KCND2: variants seen among roughly 807,000 people sequenced by gnomAD.
The protein encoded by KCND2 is A-type voltage-gated potassium channel KCND2.
A neutral mutation model predicts 54.4 loss-of-function variants in KCND2; 16 were observed. The ratio of observed to expected loss-of-function variants is 0.29; its 90% CI spans 0.20 to 0.45. The LOEUF (loss-of-function observed/expected upper bound fraction) is 0.45, where lower values mean the gene tolerates loss of function less well. KCND2 is among the 20% of genes least tolerant of loss of function. KCND2 has a pLI of 1.00. For missense variants in KCND2, 486 were observed against 824.2 expected (o/e 0.59, Z 5.02); for synonymous variants, 317 against 310.7 (o/e 1.02, Z -0.21).
intron 1 of KCND2, among the ~76,000 whole-genome samples, chr7:120,727,508 A>T (rs912152844): frequency 1.3e-5 from 2 of 152,196 alleles, no homozygotes; most frequent in Non-Finnish European, 2.9e-5. Context: ...CTTTGCATGA[A>T]AATTTTTGAT....
intron 1 of KCND2, among the ~76,000 whole-genome samples, chr7:120,386,229 G>T (rs1044703204): frequency 1.3e-5 from 2 of 152,050 alleles, no homozygotes; most frequent in African/African-American, 2.4e-5. Context: ...GAAACATTTT[G>T]CTATAATAAA....
At chr7:120,399,062 A>C (rs184698481) in intron 1 of KCND2, among the ~76,000 whole-genome samples, 1 of 152,012 alleles carries the variant, frequency 6.6e-6, no homozygotes, top group Admixed American at 6.6e-5. Flanking sequence ...CCCACTTTAC[A>C]TTATCTTAAA....
intron 1 of KCND2, among the ~76,000 whole-genome samples, chr7:120,575,353 G>C (rs1225950128): frequency 2.6e-5 from 4 of 152,144 alleles, no homozygotes; most frequent in Admixed American, 1.3e-4. Context: ...TCCAGTGTTC[G>C]AGGGCAGGAA....
intron 1 of KCND2, among the ~76,000 whole-genome samples, chr7:120,691,939 TTG>T (rs1480046400): frequency 2.0e-5 from 3 of 152,176 alleles, no homozygotes; most frequent in African/African-American, 7.2e-5. Flanking sequence ...AAGGAGGACC[TTG>T]TGGTCAGCTG....
Position 120,443,352 on chromosome 7 carries a change from A to AAATAATAAT in KCND2, c.1115+167632_1115+167640dup, listed in dbSNP as rs139962538. Among the ~76,000 whole-genome samples the AAATAATAAT allele has an allele frequency of 3.2e-3, 469 of 146,594 alleles. 1 individual carries two copies. Among genetic ancestry groups the AAATAATAAT allele is most frequent in the African/African-American group, 8.1e-3 (324 of 40,236 alleles). ...ACAATCTCCAAGAAATAACAATAAT[A>AAATAATAAT]AATAATAATAATAATAATAATAATA... is the stretch of plus-strand genomic sequence containing the variant. On this transcript the variant is annotated intron_variant, in intron 1 of 5. Coordinates refer to ENST00000331113, the MANE Select transcript of KCND2 (RefSeq NM_012281.3).
chr7:120,486,032 A>G (rs547071698), intron 1 of KCND2, among the ~76,000 whole-genome samples: 9 of 152,330 alleles, frequency 5.9e-5, no homozygotes, highest in Admixed American at 1.3e-4. Context: ...TGACTTTTAA[A>G]TATATGTTAT....
intron 1 of KCND2, among the ~76,000 whole-genome samples, chr7:120,492,687 T>C (rs1802801305): frequency 6.6e-6 from 1 of 152,050 alleles, no homozygotes; most frequent in African/African-American, 2.4e-5. Context: ...TACATTCCTA[T>C]AAATCCATCA....
chr7:120,274,598 C>A lies in KCND2; in HGVS notation c.-35C>A. 1 of 1,614,042 alleles carries A rather than the reference C, an allele frequency of 6.2e-7. No individual in the cohort carries two copies. The highest frequency in any genetic ancestry group is 1.3e-5 in the African/African-American group (1 of 75,044). On this transcript the variant is annotated 5_prime_UTR_variant, in exon 1 of 6. Transcript: ENST00000331113. ...CTGCTTCGGTGACCCATTGTAGACG[C>A]CTCGTTACCCTTCTTCCTTCCGCTT... is the stretch of plus-strand genomic sequence containing the variant.
At chr7:120,349,688 A>G (rs190013678) in intron 1 of KCND2, among the ~76,000 whole-genome samples, 5 of 152,270 alleles carry the variant, frequency 3.3e-5, no homozygotes, top group Non-Finnish European at 5.9e-5. Context: ...CATTACACAA[A>G]TGTTTTTTGA....
chr7:120,443,358 T>TA (rs760509401), intron 1 of KCND2, among the ~76,000 whole-genome samples: 1 of 96,756 alleles, frequency 1.0e-5, no homozygotes, highest in East Asian at 2.3e-4. Flanking sequence ...TAATAAATAA[T>TA]AATAATAATA....
At chr7:120,586,623 TAAG>T (rs1488013415) in intron 1 of KCND2, among the ~76,000 whole-genome samples, 2 of 152,208 alleles carry the variant, frequency 1.3e-5, no homozygotes, top group African/African-American at 2.4e-5. Flanking sequence ...GACTGTCAAA[TAAG>T]CAAAGACACT....
At chr7:120,691,907 A>T (rs549312077) in intron 1 of KCND2, among the ~76,000 whole-genome samples, 1 of 152,294 alleles carries the variant, frequency 6.6e-6, no homozygotes, top group African/African-American at 2.4e-5. Context: ...TCCTAAAATC[A>T]AATGCAGAAA....
At chr7:120,460,558 CTT>C (rs67237835) in intron 1 of KCND2, among the ~76,000 whole-genome samples, 45 of 130,198 alleles carry the variant, frequency 3.5e-4, no homozygotes, top group Admixed American at 4.7e-4. Context: ...CCACCACGGC[CTT>C]TTTTTTTTTT....
At chr7:120,384,532 A>G (rs1417078221) in intron 1 of KCND2, among the ~76,000 whole-genome samples, 1 of 152,134 alleles carries the variant, frequency 6.6e-6, no homozygotes, top group Non-Finnish European at 1.5e-5. Context: ...TTCTGTAATT[A>G]TGTCACTATA....
chr7:120,307,863 A>G (rs554254682), intron 1 of KCND2, among the ~76,000 whole-genome samples: 5 of 152,260 alleles, frequency 3.3e-5, no homozygotes, highest in Admixed American at 3.3e-4. Context: ...ATTTCTCTAC[A>G]TATTTATTGA....
chr7:120,576,957 G>C (rs143080375), intron 1 of KCND2, among the ~76,000 whole-genome samples: 124 of 152,204 alleles, frequency 8.1e-4, no homozygotes, highest in African/African-American at 3.0e-3. Flanking sequence ...GATCAGCCTG[G>C]GCAACACAGT....
intron 1 of KCND2, among the ~76,000 whole-genome samples, chr7:120,298,348 T>C (rs1799540030): frequency 6.6e-6 from 1 of 152,230 alleles, no homozygotes; most frequent in South Asian, 2.1e-4. Context: ...TATGATGGTA[T>C]TGAAAACTAT....
chr7:120,330,992 A>C (rs1419175851), intron 1 of KCND2, among the ~76,000 whole-genome samples: 1 of 152,162 alleles, frequency 6.6e-6, no homozygotes, highest in African/African-American at 2.4e-5. Context: ...ATAAAAGAAA[A>C]TGAAGTTGAA....
chr7:120,619,910 G>T (rs1229202013), intron 1 of KCND2, among the ~76,000 whole-genome samples: 2 of 152,110 alleles, frequency 1.3e-5, no homozygotes, highest in Non-Finnish European at 2.9e-5. Context: ...AGCAAGATTT[G>T]TATCATCCCT....
Sources: allele counts gnomAD v4.1 joint callset (sites outside exome capture counted in the v4.1 genomes callset), GRCh38; gene constraint gnomAD v4.1.1; transcripts MANE v1.5; gene names NCBI Gene and HGNC (gene_info 2026-07-23, HGNC 2026-07-21).